CCDC152: variants seen among roughly 807,000 people sequenced by gnomAD.
The protein encoded by CCDC152 is coiled-coil domain containing 152.
A neutral mutation model predicts 38.1 loss-of-function variants in CCDC152; 37 were observed. The observed-to-expected ratio is 0.97, with a 90% CI of 0.75 to 1.28. CCDC152 has a LOEUF of 1.28. Ranked by LOEUF, CCDC152 falls within the 50% of genes most tolerant of loss-of-function variation. The pLI is 0.00. For synonymous variants in CCDC152, 83 were observed against 87.1 expected (o/e 0.95, Z 0.26); for missense variants, 259 against 292.1 (o/e 0.89, Z 0.83).
intron 4 of CCDC152, among the ~76,000 whole-genome samples, chr5:42,779,040 TC>T (rs915029874): frequency 6.6e-5 from 10 of 152,144 alleles, no homozygotes; most frequent in African/African-American, 2.4e-4. Context: ...AAGCCCATGG[TC>T]TTCTGTGCGA....
chr5:42,787,219 T>C (rs1759933225), intron 6 of CCDC152, among the ~76,000 whole-genome samples: 1 of 152,036 alleles, frequency 6.6e-6, no homozygotes, highest in African/African-American at 2.4e-5. Flanking sequence ...TCAGCCTCCA[T>C]GATCCAGTAG....
At chr5:42,796,748 T>C in intron 6 of CCDC152, 81 bp from the exon 7 acceptor site, 3 of 979,206 alleles carry the variant, frequency 3.1e-6, no homozygotes, top group Non-Finnish European at 4.3e-6. Flanking sequence ...TTAGGAATGA[T>C]TTAAAACACT....
At position 42,781,430 on chromosome 5, in the gene CCDC152, C is replaced by T. The variant is rs150391739; in HGVS notation, c.327+1908C>T. 6.7e-3 allele frequency among the ~76,000 whole-genome samples: 1,019 copies of T among 152,034 alleles called. 6 individuals carry two copies. Among genetic ancestry groups the T allele is most frequent in the Non-Finnish European group, 0.011 (733 of 67,992 alleles). On this transcript the variant is annotated intron_variant, in intron 5 of 8. Coordinates refer to ENST00000361970, the MANE Select transcript of CCDC152 (RefSeq NM_001134848.2). ...CTGAGATAATATGGAGGAATGTATG[C>T]CAATTTTTAATTGTGGGCATAGAAG...
intron 4 of CCDC152, among the ~76,000 whole-genome samples, chr5:42,770,320 C>T (rs1028718245): frequency 4.6e-5 from 7 of 152,118 alleles, no homozygotes; most frequent in Admixed American, 6.5e-5. Flanking sequence ...TTAAAACAAG[C>T]ACCTTATATA....
chr5:42,769,473 G>T (rs1022455021), intron 3 of CCDC152, 124 bp from the exon 4 acceptor site: 115 of 1,132,960 alleles, frequency 1.0e-4, no homozygotes, highest in Non-Finnish European at 1.2e-4. Context: ...GAGTCAATAG[G>T]ACTACAAGGC....
At chr5:42,783,823 T>A (rs1225107415) in intron 6 of CCDC152, among the ~76,000 whole-genome samples, 5 of 141,464 alleles carry the variant, frequency 3.5e-5, no homozygotes, top group Non-Finnish European at 7.6e-5. Context: ...TAGCTCCCAC[T>A]TATAAGTGAG....
intron 7 of CCDC152, among the ~76,000 whole-genome samples, chr5:42,798,171 G>A (rs1016269852): frequency 1.3e-5 from 2 of 152,054 alleles, no homozygotes; most frequent in South Asian, 4.1e-4. Context: ...ACAGTCTTGA[G>A]TAGTTCATTT....
chr5:42,781,767 G>A (rs1366816095), intron 5 of CCDC152, among the ~76,000 whole-genome samples: 4 of 152,046 alleles, frequency 2.6e-5, no homozygotes, highest in Admixed American at 1.3e-4. Flanking sequence ...TACACACAAG[G>A]AGTTGGGAAC....
intron 3 of CCDC152, among the ~76,000 whole-genome samples, chr5:42,766,601 C>G (rs1336948304): frequency 6.6e-6 from 1 of 151,238 alleles, no homozygotes. Context: ...GAGATCCTGC[C>G]ATTTGCAACA....
intron 5 of CCDC152, among the ~76,000 whole-genome samples, chr5:42,783,168 C>G (rs971263798): frequency 5.3e-5 from 8 of 151,330 alleles, no homozygotes; most frequent in Non-Finnish European, 1.2e-4. Flanking sequence ...CCACACCAGG[C>G]CAAAAATTTA....
chr5:42,798,137 C>T (rs563193417), intron 7 of CCDC152, among the ~76,000 whole-genome samples: 14 of 151,790 alleles, frequency 9.2e-5, no homozygotes, highest in East Asian at 1.9e-4. Flanking sequence ...GGCAACAGAA[C>T]GAAAAAAATA....
rs1429862595 is a variant in CCDC152 at position 42,799,776 on chromosome 5, T to C, written c.760T>C (p.Phe254Leu). 6.5e-6 allele frequency: 10 copies of C among 1,548,126 alleles called. No individual in the cohort carries two copies. In the Admixed American group the frequency reaches 1.4e-4, roughly 22 times the overall value. The change falls in exon 9 of 9, where the codon TTT becomes CTT. Residue 254 changes from phenylalanine to leucine, a missense_variant. By Grantham distance (22) the Phe-to-Leu change is conservative. Transcript: ENST00000361970. ...GKDSHLKRRR[F>L] ...AGATTCTCACCTTAAGCGTAGACGG[T>C]TTTGAGCTTAGCAGTAAATTCATTA...
chr5:42,795,729 C>T (rs559311738), intron 6 of CCDC152, among the ~76,000 whole-genome samples: 2 of 152,100 alleles, frequency 1.3e-5, no homozygotes, highest in African/African-American at 4.8e-5. Flanking sequence ...ACCCAGCCAT[C>T]CCATTACTGG....
intron 7 of CCDC152, among the ~76,000 whole-genome samples, chr5:42,798,583 A>G (rs938462847): frequency 6.6e-6 from 1 of 152,102 alleles, no homozygotes; most frequent in Non-Finnish European, 1.5e-5. Flanking sequence ...CTGTTTGGAA[A>G]TTTGCATTTT....
At chr5:42,778,383 T>C (rs1032293480) in intron 4 of CCDC152, among the ~76,000 whole-genome samples, 1 of 152,126 alleles carries the variant, frequency 6.6e-6, no homozygotes, top group African/African-American at 2.4e-5. Flanking sequence ...AGGAGGAAAC[T>C]AAGACTTCTT....
intron 2 of CCDC152, among the ~76,000 whole-genome samples, chr5:42,761,477 T>TGGTGGC (rs1012442658): frequency 2.0e-5 from 3 of 151,982 alleles, no homozygotes; most frequent in Non-Finnish European, 4.4e-5. Context: ...TAGCCGGGTG[T>TGGTGGC]GGTGGCGTGC....
chr5:42,779,177 G>C (rs1037888920), intron 4 of CCDC152, among the ~76,000 whole-genome samples: 3 of 152,030 alleles, frequency 2.0e-5, no homozygotes, highest in Non-Finnish European at 2.9e-5. Flanking sequence ...CTTTTTACAG[G>C]TTCCTGTAGT....
At chr5:42,782,310 A>G (rs1759857141) in intron 5 of CCDC152, among the ~76,000 whole-genome samples, 2 of 152,218 alleles carry the variant, frequency 1.3e-5, no homozygotes, top group South Asian at 2.1e-4. Context: ...TTTGGCTTAT[A>G]TTGAACATAC....
intron 2 of CCDC152, 33 bp downstream of exon 2, chr5:42,759,241 A>G: frequency 7.4e-7 from 1 of 1,348,186 alleles, no homozygotes; most frequent in Non-Finnish European, 1.0e-6. Flanking sequence ...TCTACTATAT[A>G]GGGATACATG....
Sources: allele counts gnomAD v4.1 joint callset (sites outside exome capture counted in the v4.1 genomes callset), GRCh38; gene constraint gnomAD v4.1.1; transcripts MANE v1.5; gene names NCBI Gene and HGNC (gene_info 2026-07-23, HGNC 2026-07-21).